PPARA: variants seen among roughly 807,000 people sequenced by gnomAD.
The protein encoded by PPARA is peroxisome proliferator activated receptor alpha.
Under a neutral mutation model 42.2 loss-of-function variants are expected in PPARA, and 22 were observed. The observed-to-expected ratio is 0.52, with a 90% CI of 0.37 to 0.74. PPARA has a LOEUF of 0.74. Among genes scored for constraint, PPARA ranks in the 30% least tolerant of loss-of-function variants. The pLI, the probability that PPARA is intolerant of heterozygous loss-of-function variation, is 0.00. For synonymous variants in PPARA, 242 were observed against 239.3 expected (o/e 1.01, Z -0.10); for missense variants, 465 against 608.2 (o/e 0.76, Z 2.48).
intron 4 of PPARA, among the ~76,000 whole-genome samples, chr22:46,213,490 C>G (rs76037158): frequency 0.027 from 4,089 of 151,772 alleles, 199 homozygotes; most frequent in African/African-American, 0.094. Flanking sequence ...TCACTACAAC[C>G]TTTGCCTCCC....
chr22:46,218,605 G>C (rs1934711806), intron 6 of PPARA, among the ~76,000 whole-genome samples: 1 of 151,940 alleles, frequency 6.6e-6, no homozygotes, highest in Non-Finnish European at 1.5e-5. Flanking sequence ...AGGCTGAGGT[G>C]GGTGGATCAC....
intron 3 of PPARA, among the ~76,000 whole-genome samples, chr22:46,185,698 C>T (rs1230955507): frequency 6.9e-6 from 1 of 145,880 alleles, no homozygotes; most frequent in African/African-American, 2.5e-5. Context: ...AGTTCAAGAC[C>T]AGCCTGGCCA....
chr22:46,181,214 G>A lies in PPARA; in HGVS notation c.-43+4378G>A, dbSNP rs116648459. ...TGGCTTCCTGCCTTGACTAAGGATC[G>A]GGAACTGGGAGCGGGGAGGTGTGTG... On this transcript the variant is annotated intron_variant, in intron 3 of 8. Transcript: ENST00000407236. Among the ~76,000 whole-genome samples the A allele has an allele frequency of 1.8e-3, 268 of 152,242 alleles. 1 individual carries two copies. Among genetic ancestry groups the A allele is most frequent in the African/African-American group, 5.8e-3 (241 of 41,554 alleles).
rs926121909 is a variant in PPARA at position 46,193,722 on chromosome 22, A to C, written c.-42-4620A>C. 2.0e-5 allele frequency among the ~76,000 whole-genome samples: 3 copies of C among 152,220 alleles called. No individual in the cohort carries two copies. The highest frequency in any genetic ancestry group is 4.4e-5 in the Non-Finnish European group (3 of 68,034). On this transcript the variant is annotated intron_variant, in intron 3 of 8. Coordinates refer to ENST00000407236, the MANE Select transcript of PPARA (RefSeq NM_005036.6). This position sits in a 1 kb window ranked among gnomAD's most constrained non-coding sequence, Gnocchi z 5.3. ...CCCATCATTGCTGGGACTGGAACAG[A>C]AGCCCTACCTTTTCCCAACACCCTA...
chr22:46,229,523 C>T (rs1316931550), intron 7 of PPARA, among the ~76,000 whole-genome samples: 2 of 151,340 alleles, frequency 1.3e-5, no homozygotes, highest in East Asian at 1.9e-4. Flanking sequence ...TGCACCACTG[C>T]ACTCCAGCCT....
chr22:46,218,154 G>C (rs750174720), intron 5 of PPARA, 109 bp from the exon 6 acceptor site: 5 of 1,410,722 alleles, frequency 3.5e-6, no homozygotes, highest in East Asian at 2.5e-5. Flanking sequence ...TCTAAATTTT[G>C]TTCATTTAAA....
At chr22:46,174,258 G>GAAGA in intron 2 of PPARA, among the ~76,000 whole-genome samples, 1 of 148,522 alleles carries the variant, frequency 6.7e-6, no homozygotes, top group African/African-American at 2.5e-5. Context: ...AAGAAGGAAG[G>GAAGA]AAGGAAGGAA....
At chr22:46,214,281 G>A (rs1449107313) in intron 4 of PPARA, among the ~76,000 whole-genome samples, 5 of 152,026 alleles carry the variant, frequency 3.3e-5, no homozygotes, top group Admixed American at 2.0e-4. Flanking sequence ...TGTGTGCAGC[G>A]GAGATGTGCG....
Position 46,162,756 on chromosome 22 carries a change from GC to G in PPARA, c.-127+10788del, listed in dbSNP as rs147860312. On this transcript the variant is annotated intron_variant, in intron 2 of 8. Transcript: ENST00000407236. This position sits in a 1 kb window ranked among gnomAD's most constrained non-coding sequence, Gnocchi z 6.0. ...GGTTGAGATACCTCAAGTTTTAAATGCCACCTCCTTCCTGAAGCCTTCCTTG... is the reference window on the plus strand; with the variant it reads ...GGTTGAGATACCTCAAGTTTTAAATGCACCTCCTTCCTGAAGCCTTCCTTG... 0.021 allele frequency among the ~76,000 whole-genome samples: 3,140 copies of G among 152,226 alleles called. 94 individuals carry two copies. Among genetic ancestry groups the G allele is most frequent in the African/African-American group, 0.071 (2,948 of 41,508 alleles).
intron 4 of PPARA, among the ~76,000 whole-genome samples, chr22:46,213,676 G>A (rs112782640): frequency 6.6e-6 from 1 of 151,306 alleles, no homozygotes; most frequent in African/African-American, 2.4e-5. Context: ...TGCAAGCTCC[G>A]CCTCCTGGGT....
intron 2 of PPARA, among the ~76,000 whole-genome samples, chr22:46,158,517 G>A (rs373367665): frequency 5.3e-5 from 8 of 152,336 alleles, no homozygotes; most frequent in African/African-American, 1.9e-4. Flanking sequence ...AGGTTGACAC[G>A]TGGATATGTC....
rs1931349202 is a variant in PPARA, at chr22:46,190,137, A to C, written c.-42-8205A>C. 6.6e-6 allele frequency among the ~76,000 whole-genome samples: 1 copy of C among 152,210 alleles called. No individual in the cohort carries two copies. Among genetic ancestry groups the C allele is most frequent in the African/African-American group, 2.4e-5 (1 of 41,450 alleles). ...TGAGCGAAAAGACTTCTAGATGTTA[A>C]ATATGATATTCAAAAAATATAAAGA... On this transcript the variant is annotated intron_variant, in intron 3 of 8. Transcript: ENST00000407236. This position sits in a 1 kb window ranked among gnomAD's most constrained non-coding sequence, Gnocchi z 5.6.
chr22:46,223,639 T>G (rs1382663100), intron 7 of PPARA, among the ~76,000 whole-genome samples: 1 of 114,834 alleles, frequency 8.7e-6, no homozygotes, highest in Non-Finnish European at 1.7e-5. Flanking sequence ...CGAGACTCCA[T>G]CTCAAAAAAA....
At chr22:46,198,251 A>AAAAAAAAAG in intron 3 of PPARA, 91 bp from the exon 4 acceptor site, 2 of 465,454 alleles carry the variant, frequency 4.3e-6, no homozygotes, top group Middle Eastern at 6.6e-4. Flanking sequence ...AAAAAAAAAA[A>AAAAAAAAAG]AAGAATAAAT....
intron 5 of PPARA, 59 bp from the exon 6 acceptor site, chr22:46,218,204 A>C: frequency 6.2e-7 from 1 of 1,600,530 alleles, no homozygotes; most frequent in Non-Finnish European, 8.6e-7. Flanking sequence ...TGAGTAAAGC[A>C]AGTGCGCTGG....
chr22:46,210,336 G>A (rs1309767334), intron 4 of PPARA, among the ~76,000 whole-genome samples: 1 of 148,714 alleles, frequency 6.7e-6, no homozygotes, highest in Non-Finnish European at 1.5e-5. Flanking sequence ...AAAACTCTTA[G>A]CCACAATTTC....
Position 46,196,953 on chromosome 22 carries a change from C to A in PPARA, c.-42-1389C>A, listed in dbSNP as rs1400299595. ...GGTCAAGCTGCCCTCCAACTCCTGACCTCGTGATCTGCCCACCTGGGCCTC... is the reference window on the plus strand; with the variant it reads ...GGTCAAGCTGCCCTCCAACTCCTGAACTCGTGATCTGCCCACCTGGGCCTC... On this transcript the variant is annotated intron_variant, in intron 3 of 8. Transcript: ENST00000407236. The surrounding 1 kb of genome is among the most constrained non-coding windows in gnomAD (Gnocchi z 5.6). Among the ~76,000 whole-genome samples the A allele has an allele frequency of 2.6e-5, 4 of 152,070 alleles. No individual in the cohort carries two copies. The highest frequency in any genetic ancestry group is 5.9e-5 in the Non-Finnish European group (4 of 68,028).
At chr22:46,199,340 A>C (rs981860320) in intron 4 of PPARA, among the ~76,000 whole-genome samples, 1 of 152,202 alleles carries the variant, frequency 6.6e-6, no homozygotes, top group Non-Finnish European at 1.5e-5. Flanking sequence ...GCAATTTAAA[A>C]GAACAGACTA....
chr22:46,185,915 AAATATATATATATATATATATAT>A lies in PPARA; in HGVS notation c.-43+9081_-43+9103del, dbSNP rs1930666441. On this transcript the variant is annotated intron_variant, in intron 3 of 8. Transcript: ENST00000407236. ...GTCTCCAAAAAAAAAAAAAAAAAAAAAATATATATATATATATATATATATATATATATATATATATATATATA... is the reference window on the plus strand; with the variant it reads ...GTCTCCAAAAAAAAAAAAAAAAAAAAATATATATATATATATATATATATA... Among the ~76,000 whole-genome samples, 5 of 47,142 alleles carry A rather than the reference AAATATATATATATATATATATAT, an allele frequency of 1.1e-4. 1 individual carries two copies. Among genetic ancestry groups the A allele is most frequent in the African/African-American group, 5.5e-4 (5 of 9,038 alleles). 30.9% of individuals were successfully genotyped at this position (47,142 alleles called of 152,430 possible). A position where few individuals can be genotyped will look rare whatever the true frequency, so the allele number is the denominator to read the frequency against.
Sources: gnomAD v4.1 joint callset for allele counts (sites outside exome capture counted in the v4.1 genomes callset) on GRCh38, gnomAD v4.1.1 for gene constraint, Gnocchi (gnomAD v3.1) non-coding constraint, MANE v1.5 for transcripts, NCBI Gene and HGNC (gene_info 2026-07-23, HGNC 2026-07-21) for gene names.